Variants in PI4K2B observed in about 807,000 individuals in gnomAD.
PI4K2B encodes the protein phosphatidylinositol 4-kinase type 2 beta.
In PI4K2B, 46 loss-of-function variants were observed where a neutral mutation model predicts 56.6. The ratio of observed to expected loss-of-function variants is 0.81; its 90% CI spans 0.64 to 1.04. PI4K2B has a LOEUF of 1.04. PI4K2B is among the 50% of genes least tolerant of loss of function. The pLI, the probability that PI4K2B is intolerant of heterozygous loss-of-function variation, is 0.00. For synonymous variants in PI4K2B, 211 were observed against 223.8 expected, an observed-to-expected ratio of 0.94 and a Z score of 0.51; for missense variants, 556 against 607.7, an observed-to-expected ratio of 0.91 and a Z score of 0.89.
intron 1 of PI4K2B, among the ~76,000 whole-genome samples, chr4:25,247,904 T>C (rs1715862669): frequency 1.3e-5 from 2 of 152,154 alleles, no homozygotes; most frequent in South Asian, 4.1e-4. Flanking sequence ...GGTCTCACTA[T>C]GTTGCCCAGG....
intron 7 of PI4K2B, among the ~76,000 whole-genome samples, chr4:25,264,206 C>T (rs547105795): frequency 8.2e-4 from 125 of 152,282 alleles, no homozygotes; most frequent in African/African-American, 2.9e-3. Flanking sequence ...GGCCTGCCCT[C>T]CACCTGACCT....
At chr4:25,273,489 C>T (rs1478515846) in intron 9 of PI4K2B, among the ~76,000 whole-genome samples, 1 of 152,184 alleles carries the variant, frequency 6.6e-6, no homozygotes, top group Non-Finnish European at 1.5e-5. Flanking sequence ...TTACTGGACA[C>T]TTTAATGATG....
At chr4:25,253,748 A>G (rs189588501) in intron 2 of PI4K2B, among the ~76,000 whole-genome samples, 1 of 152,354 alleles carries the variant, frequency 6.6e-6, no homozygotes, top group African/African-American at 2.4e-5. Flanking sequence ...ATGAGCAAAA[A>G]AAGATTTTTT....
chr4:25,279,202 C>CTTTTTTTTTTTTTTTTT, exon 10 of PI4K2B: 1 of 97,984 alleles, frequency 1.0e-5, no homozygotes, highest in Non-Finnish European at 1.8e-5. Context: ...TAGTTTAATT[C>CTTTTTTTTTTTTTTTTT]TTTTTTTTTT....
chr4:25,263,714 G>T, intron 6 of PI4K2B, 36 bp from the exon 7 acceptor site: 2 of 750,738 alleles, frequency 2.7e-6, no homozygotes, highest in South Asian at 1.8e-5. Context: ...ATTTATATAG[G>T]TTCTTTTATC....
intron 1 of PI4K2B, chr4:25,250,430 T>C (rs1716005129): frequency 6.6e-6 from 1 of 152,218 alleles, no homozygotes; most frequent in Non-Finnish European, 1.5e-5. Flanking sequence ...GAACAACATA[T>C]ACCAGGGCCT....
chr4:25,267,473 T>C (rs1716708102), intron 7 of PI4K2B, among the ~76,000 whole-genome samples: 1 of 152,250 alleles, frequency 6.6e-6, no homozygotes, highest in Admixed American at 6.5e-5. Flanking sequence ...GAGAATTGCT[T>C]GAGCCCAGGA....
intron 1 of PI4K2B, among the ~76,000 whole-genome samples, chr4:25,251,686 C>G (rs993471295): frequency 6.6e-6 from 1 of 151,854 alleles, no homozygotes; most frequent in Non-Finnish European, 1.5e-5. Flanking sequence ...TGACAAAATC[C>G]GAGATATGAT....
At chr4:25,269,266 TTCCC>T in intron 9 of PI4K2B, 63 bp downstream of exon 9, 5 of 876,150 alleles carry the variant, frequency 5.7e-6, no homozygotes, top group Non-Finnish European at 9.6e-6. Context: ...GTCAACTGTT[TTCCC>T]CACTGTGATC....
At chr4:25,274,166 G>A (rs1005156911) in intron 9 of PI4K2B, among the ~76,000 whole-genome samples, 6 of 152,086 alleles carry the variant, frequency 3.9e-5, no homozygotes, top group Non-Finnish European at 5.9e-5. Context: ...TAAAATCTAC[G>A]AAAAAGTAGA....
At chr4:25,270,002 C>T (rs190597583) in intron 9 of PI4K2B, among the ~76,000 whole-genome samples, 95 of 152,238 alleles carry the variant, frequency 6.2e-4, no homozygotes, top group African/African-American at 2.2e-3. Flanking sequence ...AGGCGTGAGC[C>T]ACCGCGCCCA....
chr4:25,270,641 C>T (rs1716853074), intron 9 of PI4K2B, among the ~76,000 whole-genome samples: 2 of 152,154 alleles, frequency 1.3e-5, no homozygotes, highest in Admixed American at 1.3e-4. Context: ...CCACCGTGCC[C>T]AGCCCCTCCT....
chr4:25,234,414 G>T lies in PI4K2B; in HGVS notation c.251G>T (p.Ser84Ile). ...AGTTCGTCCGCCGAGCTGGACCGGAGCCGCCCCGCGGTTTCAGGTGCGACC... is the reference window on the plus strand; with the variant it reads ...AGTTCGTCCGCCGAGCTGGACCGGATCCGCCCCGCGGTTTCAGGTGCGACC... ...SRSSSAELDRSRPAVSVTIGT... is the reference protein window; with the variant it reads ...SRSSSAELDRIRPAVSVTIGT... Residue 84 changes from serine (S) to isoleucine (I), a missense_variant, in exon 1 of 10, where the codon AGC becomes ATC. Physicochemically the swap from Ser to Ile is moderately radical, Grantham distance 142. Coordinates refer to ENST00000264864, the MANE Select transcript of PI4K2B (RefSeq NM_018323.4). The T allele has an allele frequency of 7.3e-7, 1 of 1,364,178 alleles. No homozygotes were observed. The highest frequency in any genetic ancestry group is 9.5e-7 in the Non-Finnish European group (1 of 1,057,110). The allele number at this position is 1,364,178 out of a possible 1,614,324, so 84.5% of individuals were successfully genotyped here. A position where few individuals can be genotyped will look rare whatever the true frequency, so the allele number is the denominator to read the frequency against.
chr4:25,258,969 G>A (rs991262785), intron 4 of PI4K2B, 68 bp from the exon 5 acceptor site: 7 of 793,688 alleles, frequency 8.8e-6, no homozygotes, highest in Non-Finnish European at 4.0e-6. Flanking sequence ...CAGTACTGCT[G>A]AGAAATATAA....
intron 1 of PI4K2B, 83 bp downstream of exon 1, chr4:25,234,514 G>T (rs1715158820): frequency 3.0e-6 from 3 of 1,012,346 alleles, no homozygotes; most frequent in Non-Finnish European, 2.5e-6. Context: ...TCCCGCGCGC[G>T]CTGGCCGAGG....
Position 25,260,064 on chromosome 4 carries a change from C to T in PI4K2B, c.911-460C>T, listed in dbSNP as rs558263872. Reference sequence around the variant, plus strand: ...TGTTTTCTTATTTAGTTTTTGGAAACGAATCAAATAATTTTCCAGATTCAC... The same window carrying T: ...TGTTTTCTTATTTAGTTTTTGGAAATGAATCAAATAATTTTCCAGATTCAC... On this transcript the variant is annotated intron_variant, in intron 5 of 9. Transcript: ENST00000264864. 2.0e-5 allele frequency among the ~76,000 whole-genome samples: 3 copies of T among 152,132 alleles called. No individual in the cohort carries two copies. The South Asian group carries it at 6.2e-4, about 32-fold the overall frequency.
chr4:25,242,924 A>G (rs945339773), intron 1 of PI4K2B, among the ~76,000 whole-genome samples: 1 of 152,232 alleles, frequency 6.6e-6, no homozygotes, highest in Admixed American at 6.5e-5. Context: ...GCCTTGGCTA[A>G]TATATCCCTC....
intron 5 of PI4K2B, among the ~76,000 whole-genome samples, chr4:25,259,850 C>G (rs1480287425): frequency 1.3e-5 from 2 of 152,346 alleles, no homozygotes; most frequent in East Asian, 3.9e-4. Flanking sequence ...AAAGCAGGGG[C>G]TCCCCATTGT....
At chr4:25,237,124 G>A (rs901314253) in intron 1 of PI4K2B, among the ~76,000 whole-genome samples, 5 of 152,134 alleles carry the variant, frequency 3.3e-5, no homozygotes, top group African/African-American at 1.2e-4. Flanking sequence ...CTTCAACAAG[G>A]CATTTAACAA....
Sources: gnomAD v4.1 joint callset for allele counts (sites outside exome capture counted in the v4.1 genomes callset) on GRCh38, gnomAD v4.1.1 for gene constraint, MANE v1.5 for transcripts, NCBI Gene and HGNC (gene_info 2026-07-23, HGNC 2026-07-21) for gene names.